GARRE1: variants seen among roughly 807,000 people sequenced by gnomAD.
The protein encoded by GARRE1 is granule associated Rac and RHOG effector 1.
Under a neutral mutation model 103.2 loss-of-function variants are expected in GARRE1, and 49 were observed. That is an observed-to-expected ratio of 0.47 (90% confidence interval 0.38 to 0.60). GARRE1 has a LOEUF of 0.60. Ranked by LOEUF, GARRE1 falls within the 20% of genes least tolerant of loss-of-function variation. The probability of loss-of-function intolerance (pLI) is 0.00; values close to 1 mark genes in which losing one functional copy is unlikely to be tolerated. For synonymous variants in GARRE1, 505 were observed against 532.8 expected (o/e 0.95, Z 0.72); for missense variants, 1,199 against 1,370.5 (o/e 0.87, Z 1.98).
chr19:34,301,055 C>T, intron 2 of GARRE1, 87 bp downstream of exon 2: 1 of 1,356,960 alleles, frequency 7.4e-7, no homozygotes, highest in Non-Finnish European at 1.0e-6. Context: ...TTCCAAATCA[C>T]TGTAATAGTA....
Position 34,351,520 on chromosome 19 carries a change from C to A in GARRE1, c.2832C>A (p.His944Gln). 6.2e-7 allele frequency: 1 copy of A among 1,613,606 alleles called. No individual in the cohort carries two copies. The highest frequency in any genetic ancestry group is 8.5e-7 in the Non-Finnish European group (1 of 1,179,562). The change falls in exon 13 of 14, where the codon CAC becomes CAA. Residue 944 changes from histidine (H) to glutamine (Q), a missense_variant. By Grantham distance (24) the His-to-Gln change is conservative. Coordinates refer to ENST00000299505, the MANE Select transcript of GARRE1 (RefSeq NM_014686.5). ...LVAAVKQRRK[H>Q]SSGEQDTSTL... The stretch of plus-strand genomic sequence containing the variant: ...GAGCTCTTGGTTCTTGCAGGAAACA[C>A]AGCAGTGGAGAGCAAGACACCAGCA...
chr19:34,351,743 T>C (rs2074238475), intron 13 of GARRE1, 151 bp downstream of exon 13: 1 of 647,560 alleles, frequency 1.5e-6, no homozygotes, highest in South Asian at 1.7e-5. Flanking sequence ...CACAGGAAGC[T>C]CTACGGCTGT....
At chr19:34,319,409 T>G (rs2074074884) in intron 2 of GARRE1, among the ~76,000 whole-genome samples, 1 of 152,256 alleles carries the variant, frequency 6.6e-6, no homozygotes, top group Admixed American at 6.5e-5. Context: ...ACTATGTTAA[T>G]AACTATGTTA....
intron 2 of GARRE1, among the ~76,000 whole-genome samples, chr19:34,316,599 G>A (rs757400582): frequency 1.3e-5 from 2 of 152,202 alleles, no homozygotes; most frequent in Non-Finnish European, 2.9e-5. Context: ...AGAGAAGGTG[G>A]TGGTTATGCA....
At chr19:34,290,062 T>A (rs1304311173) in intron 1 of GARRE1, among the ~76,000 whole-genome samples, 1 of 151,916 alleles carries the variant, frequency 6.6e-6, no homozygotes, top group Non-Finnish European at 1.5e-5. Context: ...ATATCCTAAG[T>A]TGAAAATGTA....
intron 2 of GARRE1, among the ~76,000 whole-genome samples, chr19:34,306,329 T>G (rs1415914123): frequency 6.6e-6 from 1 of 152,174 alleles, no homozygotes; most frequent in East Asian, 1.9e-4. Context: ...CATTTAAGAG[T>G]TAGGACAAAG....
At chr19:34,277,197 G>A (rs1358997292) in intron 1 of GARRE1, among the ~76,000 whole-genome samples, 1 of 152,192 alleles carries the variant, frequency 6.6e-6, no homozygotes, top group African/African-American at 2.4e-5. Flanking sequence ...ACGACATGAG[G>A]CTGGAGAGGT....
intron 1 of GARRE1, among the ~76,000 whole-genome samples, chr19:34,292,583 AT>A (rs960331738): frequency 4.0e-5 from 6 of 148,970 alleles, no homozygotes; most frequent in Admixed American, 6.7e-5. Context: ...ATTTTACTTT[AT>A]TTTTTTTTTG....
intron 2 of GARRE1, among the ~76,000 whole-genome samples, chr19:34,306,964 A>G (rs1382329036): frequency 1.3e-5 from 2 of 152,078 alleles, no homozygotes; most frequent in African/African-American, 2.4e-5. Flanking sequence ...ACATTCGAGT[A>G]AAGGCCTGAA....
At chr19:34,350,806 C>T (rs1191321953) in intron 12 of GARRE1, among the ~76,000 whole-genome samples, 1 of 151,554 alleles carries the variant, frequency 6.6e-6, no homozygotes, top group African/African-American at 2.4e-5. Context: ...TGGTCTTGAT[C>T]TCCTGACCTC....
At chr19:34,348,084 GGT>G in intron 11 of GARRE1, 42 bp downstream of exon 11, 1 of 1,383,026 alleles carries the variant, frequency 7.2e-7, no homozygotes. Flanking sequence ...TTGAGACCCA[GGT>G]GTCCCCCGAG....
At chr19:34,309,462 T>C (rs768078710) in intron 2 of GARRE1, among the ~76,000 whole-genome samples, 5 of 152,166 alleles carry the variant, frequency 3.3e-5, no homozygotes, top group Non-Finnish European at 5.9e-5. Context: ...GAAGGATAGA[T>C]GGTAAAAGCA....
rs1244259389 is a variant in GARRE1, at chr19:34,294,840, A to AT, written c.-795-4831dup. Among the ~76,000 whole-genome samples the AT allele has an allele frequency of 1.2e-4, 18 of 151,992 alleles. No individual in the cohort carries two copies. The South Asian group carries it at 2.3e-3, about 19-fold the overall frequency. ...GGGTGGGCAGCAACACACCTGGCTAATTTTTTTTGTATTCTTAGTAGAGAC... is the reference window on the plus strand; with the variant it reads ...GGGTGGGCAGCAACACACCTGGCTAATTTTTTTTTGTATTCTTAGTAGAGAC... On this transcript the variant is annotated intron_variant, in intron 1 of 13. Transcript: ENST00000299505.
At chr19:34,304,766 ATTTTAT>A (rs1395851465) in intron 2 of GARRE1, among the ~76,000 whole-genome samples, 13 of 151,500 alleles carry the variant, frequency 8.6e-5, no homozygotes, top group South Asian at 4.2e-4. Flanking sequence ...GCTTGTCATA[ATTTTAT>A]TTTTATTTTT....
chr19:34,281,621 C>T (rs935980553), intron 1 of GARRE1, among the ~76,000 whole-genome samples: 3 of 152,230 alleles, frequency 2.0e-5, no homozygotes, highest in Non-Finnish European at 2.9e-5. Context: ...GATGGGGTCT[C>T]ACTGTGTTGC....
chr19:34,259,973 C>T (rs1422422043), intron 1 of GARRE1, among the ~76,000 whole-genome samples: 2 of 152,242 alleles, frequency 1.3e-5, no homozygotes, highest in Admixed American at 6.5e-5. Context: ...TTTGCTTCCC[C>T]TTCTGCCATG....
chr19:34,351,669 G>C, intron 13 of GARRE1, 77 bp downstream of exon 13: 1 of 970,508 alleles, frequency 1.0e-6, no homozygotes, highest in South Asian at 1.4e-5. Flanking sequence ...TCAAAGTAAT[G>C]AGGGATCTTC....
chr19:34,275,683 G>A (rs10407640), intron 1 of GARRE1, among the ~76,000 whole-genome samples: 117,820 of 152,130 alleles, frequency 0.77, 46,235 homozygotes, highest in African/African-American at 0.82. Context: ...TGCTCCAAAC[G>A]TTCATCTGCA....
rs796623757 is a variant in GARRE1 at position 34,275,415 on chromosome 19, AC to A, written c.-796+20806del. Among the ~76,000 whole-genome samples, 33 of 145,942 alleles carry A rather than the reference AC, an allele frequency of 2.3e-4. 1 individual carries two copies. Among genetic ancestry groups the A allele is most frequent in the African/African-American group, 6.9e-4 (27 of 39,196 alleles). ...CTTATTTCCCCCATTCCACACCCCC[AC>A]CCCCAGCCTTAGGCAACCATTAATT... On this transcript the variant is annotated intron_variant, in intron 1 of 13. Transcript: ENST00000299505.
Sources: gnomAD v4.1 joint callset for allele counts (sites outside exome capture counted in the v4.1 genomes callset) on GRCh38, gnomAD v4.1.1 for gene constraint, MANE v1.5 for transcripts, NCBI Gene and HGNC (gene_info 2026-07-23, HGNC 2026-07-21) for gene names.